RNF125: variants seen among roughly 807,000 people sequenced by gnomAD.
RNF125 encodes E3 ubiquitin-protein ligase RNF125.
Under a neutral mutation model 26.0 loss-of-function variants are expected in RNF125, and 21 were observed. That is an observed-to-expected ratio of 0.81 (90% CI 0.57 to 1.16). The LOEUF (loss-of-function observed/expected upper bound fraction) is 1.16. Ranked by LOEUF, RNF125 falls within the 50% of genes most tolerant of loss-of-function variation. RNF125 has a pLI of 0.00. For missense variants in RNF125, 270 were observed against 299.4 expected (o/e 0.90, Z 0.72); for synonymous variants, 95 against 109.2 (o/e 0.87, Z 0.81).
chr18:32,066,622 A>G (rs757034800), intron 5 of RNF125, among the ~76,000 whole-genome samples: 7 of 152,328 alleles, frequency 4.6e-5, no homozygotes, highest in Non-Finnish European at 1.0e-4. Flanking sequence ...GCTCTGTCAT[A>G]TATGTGCGAC....
the RNF125 span, among the ~76,000 whole-genome samples, chr18:32,082,321 CACAA>C: frequency 1.3e-5 from 2 of 151,940 alleles, no homozygotes; most frequent in Non-Finnish European, 2.9e-5. Flanking sequence ...TATATACACA[CACAA>C]ACACACACAC....
At chr18:32,085,373 CAGAGAGAGAGAGAG>C in the RNF125 span, among the ~76,000 whole-genome samples, 221 of 128,810 alleles carry the variant, frequency 1.7e-3, 1 homozygote, top group African/African-American at 5.2e-3. Flanking sequence ...CTGCCAGAAG[CAGAGAGAGAGAGAG>C]AGAGAGAGAG....
At chr18:32,038,965 C>T (rs140435821) in intron 2 of RNF125, among the ~76,000 whole-genome samples, 14 of 151,736 alleles carry the variant, frequency 9.2e-5, no homozygotes, top group African/African-American at 3.4e-4. Flanking sequence ...ACAGTTTCAC[C>T]ATGTTGGCCA....
intron 1 of RNF125, among the ~76,000 whole-genome samples, chr18:32,034,559 T>C (rs1431480735): frequency 6.6e-6 from 1 of 152,094 alleles, no homozygotes; most frequent in Admixed American, 6.6e-5. Context: ...AATTAAGGTA[T>C]ATGGAAGAGT....
intron 3 of RNF125, among the ~76,000 whole-genome samples, chr18:32,044,313 T>C (rs1463160972): frequency 6.6e-6 from 1 of 152,162 alleles, no homozygotes; most frequent in African/African-American, 2.4e-5. Flanking sequence ...CCTAGAAATA[T>C]AATGTTAATC....
At chr18:32,059,674 A>T (rs1400034218) in intron 4 of RNF125, among the ~76,000 whole-genome samples, 1 of 152,122 alleles carries the variant, frequency 6.6e-6, no homozygotes, top group East Asian at 1.9e-4. Context: ...GTGGGGTATT[A>T]TTCCAGAAAT....
At position 32,072,166 on chromosome 18, in the gene RNF125, C is replaced by A. The variant is rs7227909; in HGVS notation, c.*3782C>A. 0.39 allele frequency: 59,444 copies of A among 151,864 alleles called. 15,426 individuals are homozygous for A. Among genetic ancestry groups the A allele is most frequent in the African/African-American group, 0.75 (30,953 of 41,456 alleles). 9.4% of individuals were successfully genotyped at this position (151,864 alleles called of 1,614,324 possible). A position where few individuals can be genotyped will look rare whatever the true frequency, so the allele number is the denominator to read the frequency against. On this transcript the variant is annotated 3_prime_UTR_variant, in exon 6 of 6. Coordinates refer to ENST00000217740, the MANE Select transcript of RNF125 (RefSeq NM_017831.4). Reference sequence around the variant, plus strand: ...CAGTGAGCTATGATCATGCTACTGCCCTCCAGCCTGGGCAACAGAGCAAGA... The same window carrying A: ...CAGTGAGCTATGATCATGCTACTGCACTCCAGCCTGGGCAACAGAGCAAGA...
intron 4 of RNF125, among the ~76,000 whole-genome samples, chr18:32,048,438 A>AAAC (rs140632315): frequency 5.6e-5 from 4 of 71,268 alleles, no homozygotes; most frequent in East Asian, 4.6e-4. Context: ...AAAAACAAAC[A>AAAC]AAAAAACCCA....
chr18:32,050,261 T>C (rs2039310720), intron 4 of RNF125, among the ~76,000 whole-genome samples: 1 of 152,224 alleles, frequency 6.6e-6, no homozygotes, highest in African/African-American at 2.4e-5. Flanking sequence ...TTTTCTTATA[T>C]GCATCCTTAA....
intron 2 of RNF125, among the ~76,000 whole-genome samples, chr18:32,039,310 C>T (rs547819439): frequency 6.6e-6 from 1 of 151,962 alleles, no homozygotes; most frequent in African/African-American, 2.4e-5. Context: ...GTAGGAAGAG[C>T]GCTTGAGCCC....
chr18:32,024,308 C>T (rs1259900191), intron 1 of RNF125, among the ~76,000 whole-genome samples: 1 of 116,738 alleles, frequency 8.6e-6, no homozygotes, highest in Non-Finnish European at 1.8e-5. Flanking sequence ...GTTCTCCTGC[C>T]TCAGCCTCCT....
At chr18:32,045,359 G>A (rs965263581) in intron 3 of RNF125, among the ~76,000 whole-genome samples, 1 of 151,744 alleles carries the variant, frequency 6.6e-6, no homozygotes, top group East Asian at 1.9e-4. Context: ...AGGAGTTCGA[G>A]ACCATCCTGG....
chr18:32,086,969 A>G, the RNF125 span, among the ~76,000 whole-genome samples: 4 of 152,096 alleles, frequency 2.6e-5, no homozygotes, highest in African/African-American at 4.8e-5. Context: ...TGATCATCAA[A>G]GAAAAGTGCT....
At chr18:32,087,354 A>C in the RNF125 span, among the ~76,000 whole-genome samples, 11 of 149,406 alleles carry the variant, frequency 7.4e-5, no homozygotes, top group South Asian at 6.9e-4. Flanking sequence ...AGAGTGGGCT[A>C]TGGGAACCGC....
chr18:32,063,298 G>A (rs2039452368), intron 4 of RNF125, among the ~76,000 whole-genome samples: 1 of 151,068 alleles, frequency 6.6e-6, no homozygotes, highest in Non-Finnish European at 1.5e-5. Flanking sequence ...GTTAAAATGT[G>A]ATAAAGTAAT....
At chr18:32,066,150 A>T in intron 5 of RNF125, 141 bp downstream of exon 5, 1 of 572,952 alleles carries the variant, frequency 1.7e-6, no homozygotes, top group Non-Finnish European at 3.1e-6. Context: ...GTAAGAAATC[A>T]TGAAAATAGA....
chr18:32,075,639 G>A (rs1453448529), downstream of RNF125, among the ~76,000 whole-genome samples: 2 of 143,658 alleles, frequency 1.4e-5, no homozygotes, highest in Non-Finnish European at 3.0e-5. Context: ...GTTGCAGTGA[G>A]CCGAAATTGT....
the RNF125 span, among the ~76,000 whole-genome samples, chr18:32,085,411 G>GAGAGAGAGAGAGAGAGAA: frequency 7.3e-6 from 1 of 137,238 alleles, no homozygotes; most frequent in African/African-American, 2.6e-5. Context: ...GAGAGAGAGA[G>GAGAGAGAGAGAGAGAGAA]AGAGAAAGCT....
intron 5 of RNF125, among the ~76,000 whole-genome samples, chr18:32,067,681 C>G (rs1056129620): frequency 6.6e-6 from 1 of 152,098 alleles, no homozygotes; most frequent in South Asian, 2.1e-4. Context: ...TTATGACTTT[C>G]CTTTGGATTT....
Sources: gnomAD v4.1 joint callset for allele counts (sites outside exome capture counted in the v4.1 genomes callset) on GRCh38, gnomAD v4.1.1 for gene constraint, MANE v1.5 for transcripts, NCBI Gene and HGNC (gene_info 2026-07-23, HGNC 2026-07-21) for gene names.